The following NPFFR1 variants were observed in gnomAD, a reference collection of about 807,000 sequenced individuals.
The protein encoded by NPFFR1 is G-protein coupled receptor 147.
A neutral mutation model predicts 12.7 loss-of-function variants in NPFFR1; 17 were observed. That is an observed-to-expected ratio of 1.34 (90% CI 0.92 to 2.01). The LOEUF (loss-of-function observed/expected upper bound fraction) is 2.01. NPFFR1 is among the 30% of genes most tolerant of loss of function. NPFFR1 has a pLI of 0.00. For synonymous variants in NPFFR1, 296 were observed against 264.5 expected, an observed-to-expected ratio of 1.12 and a Z score of -1.16; for missense variants, 604 against 606.5, an observed-to-expected ratio of 1.00 and a Z score of 0.04.
At position 70,277,959 on chromosome 10, in the gene NPFFR1, C is replaced by A. The variant is rs80101869; in HGVS notation, c.7+5711G>T. 8.3e-3 allele frequency: 4,336 copies of A among 519,768 alleles called. 132 individuals are homozygous for A. The highest frequency in any genetic ancestry group is 0.048 in the African/African-American group (2,476 of 51,990). 32.2% of individuals were successfully genotyped at this position (519,768 alleles called of 1,614,324 possible). On this transcript the variant is annotated intron_variant, in intron 1 of 3. Transcript: ENST00000277942. The stretch of plus-strand genomic sequence containing the variant: ...GGAAGACTTCTGGGCCCTCAGAGAA[C>A]CCTCCAGGCCATTGTTTTAATCCAG...
Position 70,254,923 on chromosome 10 carries a change from C to A in NPFFR1, c.*34G>T, listed in dbSNP as rs754550428. On this transcript the variant is annotated 3_prime_UTR_variant, in exon 4 of 4. Coordinates refer to ENST00000277942, the MANE Select transcript of NPFFR1 (RefSeq NM_022146.5). ...GCATGTATCTCGTGTCCAATCGGGG[C>A]CCTGAGGCAGCGTCCCGCCCTCCCT... 3.6e-6 allele frequency: 5 copies of A among 1,392,586 alleles called. No individual in the cohort carries two copies. In the South Asian group the frequency reaches 8.4e-5, roughly 23 times the overall value. The allele number at this position is 1,392,586 out of a possible 1,614,324, so 86.3% of individuals were successfully genotyped here. A position where few individuals can be genotyped will look rare whatever the true frequency, so the allele number is the denominator to read the frequency against.
At chr10:70,258,425 C>T (rs1378401639) in intron 3 of NPFFR1, among the ~76,000 whole-genome samples, 1 of 152,184 alleles carries the variant, frequency 6.6e-6, no homozygotes, top group Non-Finnish European at 1.5e-5. Context: ...CAACTGCAAG[C>T]TCTGTGAGGG....
intron 1 of NPFFR1, among the ~76,000 whole-genome samples, chr10:70,268,051 T>C (rs1256280750): frequency 6.6e-6 from 1 of 152,182 alleles, no homozygotes; most frequent in Non-Finnish European, 1.5e-5. Context: ...AATAAACATA[T>C]ACAAGAGTAT....
intron 2 of NPFFR1, among the ~76,000 whole-genome samples, chr10:70,265,018 T>C (rs932987019): frequency 1.3e-5 from 2 of 152,148 alleles, no homozygotes; most frequent in Non-Finnish European, 2.9e-5. Context: ...GTCTATGTGT[T>C]GGAAAGGAGA....
rs185061948 is a variant in NPFFR1 at position 70,277,857 on chromosome 10, T to G, written c.7+5813A>C. 1,986 of 480,072 alleles carry G rather than the reference T, an allele frequency of 4.1e-3. 70 individuals carry two copies. Among genetic ancestry groups the G allele is most frequent in the African/African-American group, 8.6e-3 (441 of 51,084 alleles). The allele number at this position is 480,072 out of a possible 1,614,324, so 29.7% of individuals were successfully genotyped here. ...GTTAAGGCCCAGAGGGGAAGGCAAA[T>G]GAGGGTTACTGCCCGGCTAACCATA... is the stretch of plus-strand genomic sequence containing the variant. On this transcript the variant is annotated intron_variant, in intron 1 of 3. Coordinates refer to ENST00000277942, the MANE Select transcript of NPFFR1 (RefSeq NM_022146.5).
In NPFFR1 at chr10:70,266,211, A is replaced by T. The variant is rs765790741; in HGVS notation, c.188T>A (p.Leu63Gln). Residue 63 changes from leucine to glutamine, a missense_variant, in exon 2 of 4, where the codon CTG (leucine) becomes CAG (glutamine). Leu to Gln is a moderately radical substitution (Grantham distance 113). Transcript: ENST00000277942. ...IFLLCMVGNT[L>Q]VCFIVLKNRH... ...GTTCTTGAGCACGATGAAACAGACC[A>T]GGGTGTTGCCCACCATGCAGAGCAG... 2 of 1,614,072 alleles carry T rather than the reference A, an allele frequency of 1.2e-6. No individual in the cohort carries two copies. The highest frequency in any genetic ancestry group is 1.7e-6 in the Non-Finnish European group (2 of 1,179,900).
chr10:70,259,428 G>A (rs1840611891), intron 3 of NPFFR1, among the ~76,000 whole-genome samples: 1 of 152,202 alleles, frequency 6.6e-6, no homozygotes. Context: ...CAGGCTTCCT[G>A]GATGAGGTGG....
At chr10:70,276,882 G>T (rs1289177053) in intron 1 of NPFFR1, among the ~76,000 whole-genome samples, 2 of 152,098 alleles carry the variant, frequency 1.3e-5, no homozygotes, top group Non-Finnish European at 2.9e-5. Flanking sequence ...CTTTATGTTT[G>T]TGTCTTAAGG....
In NPFFR1 at chr10:70,266,137, T is replaced by C; in HGVS notation, c.262A>G (p.Ser88Gly). 6.2e-7 allele frequency: 1 copy of C among 1,614,048 alleles called. No homozygotes were observed. The highest frequency in any genetic ancestry group is 8.5e-7 in the Non-Finnish European group (1 of 1,179,908). Reference sequence around the variant, plus strand: ...CAGAAGATGCCCACCAGCAGGTCACTGACAGCCAGGTTGAGGATGAACATG... The same window carrying C: ...CAGAAGATGCCCACCAGCAGGTCACCGACAGCCAGGTTGAGGATGAACATG... ...TNMFILNLAV[S>G]DLLVGIFCMP... The change falls in exon 2 of 4, where the codon AGT (serine) becomes GGT (glycine). Residue 88 changes from serine to glycine, a missense_variant. By Grantham distance (56) the Ser-to-Gly change is moderately conservative (BLOSUM62 0). Coordinates refer to ENST00000277942, the MANE Select transcript of NPFFR1 (RefSeq NM_022146.5).
chr10:70,269,700 A>G (rs945833051), intron 1 of NPFFR1, among the ~76,000 whole-genome samples: 3 of 152,050 alleles, frequency 2.0e-5, no homozygotes, highest in Non-Finnish European at 2.9e-5. Context: ...TAATAGAGAC[A>G]GTGTTTCACC....
In NPFFR1 at chr10:70,274,843, G is replaced by C. The variant is rs138368186; in HGVS notation, c.8-8452C>G. Among the ~76,000 whole-genome samples, 347 of 152,362 alleles carry C rather than the reference G, an allele frequency of 2.3e-3. 1 individual carries two copies. The highest frequency in any genetic ancestry group is 8.1e-3 in the African/African-American group (336 of 41,586). On this transcript the variant is annotated intron_variant, in intron 1 of 3. Coordinates refer to ENST00000277942, the MANE Select transcript of NPFFR1 (RefSeq NM_022146.5). ...AGCTGTGGGGAACCAGTAGGTCGCA[G>C]TGTGGTTTCAGTTCATTTGGGTTTG...
chr10:70,255,352 C>T lies in NPFFR1; in HGVS notation c.898G>A (p.Ala300Thr). Residue 300 changes from alanine to threonine, a missense_variant, in exon 4 of 4, where the codon GCG becomes ACG. Physicochemically the swap from Ala to Thr is moderately conservative, Grantham distance 58. Coordinates refer to ENST00000277942, the MANE Select transcript of NPFFR1 (RefSeq NM_022146.5). This position sits in a 1 kb window ranked among gnomAD's most constrained non-coding sequence, Gnocchi z 4.2. ...LLLIDYGQLSAPQLHLVTVYA... is the reference protein window; with the variant it reads ...LLLIDYGQLSTPQLHLVTVYA... ...ACGGTGACCAGGTGCAGCTGCGGCG[C>T]GCTGAGCTGCCCGTAGTCGATGAGC... 6.4e-7 allele frequency: 1 copy of T among 1,564,672 alleles called. No homozygotes were observed. Among genetic ancestry groups the T allele is most frequent in the South Asian group, 1.2e-5 (1 of 85,416 alleles).
chr10:70,278,702 T>C (rs953297551), intron 1 of NPFFR1, among the ~76,000 whole-genome samples: 3 of 152,232 alleles, frequency 2.0e-5, no homozygotes, highest in Non-Finnish European at 4.4e-5. Context: ...CTTGGCAGTG[T>C]CCTGATGAAC....
intron 3 of NPFFR1, among the ~76,000 whole-genome samples, chr10:70,258,757 G>A (rs1010208299): frequency 2.6e-5 from 4 of 152,298 alleles, no homozygotes; most frequent in African/African-American, 4.8e-5. Context: ...TTTAATGGAG[G>A]GGAAAGCTTG....
At position 70,253,655 on chromosome 10, in the gene NPFFR1, G is replaced by A. The variant is rs1840534153; in HGVS notation, c.*1302C>T. 6.6e-6 allele frequency: 1 copy of A among 152,178 alleles called. No homozygotes were observed. The highest frequency in any genetic ancestry group is 1.5e-5 in the Non-Finnish European group (1 of 68,040). 9.4% of individuals were successfully genotyped at this position (152,178 alleles called of 1,614,324 possible). ...TCACTGTGTGTCGGTTAAGGGAACA[G>A]AGCCTCAGAGCCCCGACCCCTGGAA... On this transcript the variant is annotated 3_prime_UTR_variant, in exon 4 of 4. Transcript: ENST00000277942.
In NPFFR1 at chr10:70,255,964, G is replaced by T; in HGVS notation, c.423-137C>A. 3.4e-6 allele frequency: 3 copies of T among 882,662 alleles called. No homozygotes were observed. The highest frequency in any genetic ancestry group is 3.6e-4 in the Middle Eastern group (1 of 2,804). The allele number at this position is 882,662 out of a possible 1,614,324, so 54.7% of individuals were successfully genotyped here. A position where few individuals can be genotyped will look rare whatever the true frequency, so the allele number is the denominator to read the frequency against. On this transcript the variant is annotated intron_variant, in intron 3 of 3. Coordinates refer to ENST00000277942, the MANE Select transcript of NPFFR1 (RefSeq NM_022146.5). The surrounding 1 kb of genome is among the most constrained non-coding windows in gnomAD (Gnocchi z 4.2). Reference sequence around the variant, plus strand: ...CGAAGAACAGCTCAGACCTGAATTGGCTGAGTAGTCAAAGAACAAAGGCAG... The same window carrying T: ...CGAAGAACAGCTCAGACCTGAATTGTCTGAGTAGTCAAAGAACAAAGGCAG...
chr10:70,277,938 G>A (rs748702500), intron 1 of NPFFR1: 1 of 518,982 alleles, frequency 1.9e-6, no homozygotes, highest in Non-Finnish European at 3.9e-6. Flanking sequence ...TGTTGGGGAA[G>A]ACTTCTGGGC....
At chr10:70,276,731 C>T (rs767274641) in intron 1 of NPFFR1, among the ~76,000 whole-genome samples, 14 of 151,912 alleles carry the variant, frequency 9.2e-5, no homozygotes, top group Admixed American at 4.6e-4. Flanking sequence ...GGATTACAGA[C>T]GTCTACCACC....
At chr10:70,260,147 G>A (rs1442345489) in intron 3 of NPFFR1, among the ~76,000 whole-genome samples, 1 of 152,194 alleles carries the variant, frequency 6.6e-6, no homozygotes, top group African/African-American at 2.4e-5. Context: ...GATGGAATAT[G>A]AGGCTGAGAG....
Sources: gnomAD v4.1 joint callset for allele counts (sites outside exome capture counted in the v4.1 genomes callset) on GRCh38, gnomAD v4.1.1 for gene constraint, Gnocchi (gnomAD v3.1) non-coding constraint, MANE v1.5 for transcripts, NCBI Gene and HGNC (gene_info 2026-07-23, HGNC 2026-07-21) for gene names.